Variants in PPP6R3 observed in about 807,000 individuals in gnomAD.
The protein encoded by PPP6R3 is serine/threonine-protein phosphatase 6 regulatory subunit 3.
PPP6R3 carries 38 observed loss-of-function variants against 110.7 expected under a neutral mutation model. The ratio of observed to expected loss-of-function variants is 0.34; its 90% CI spans 0.26 to 0.45. The LOEUF (loss-of-function observed/expected upper bound fraction) is 0.45, where lower values mean the gene tolerates loss of function less well. PPP6R3 is among the 20% of genes least tolerant of loss of function. The pLI is 1.00. For missense variants in PPP6R3, 870 were observed against 1,062.4 expected (o/e 0.82, Z 2.52); for synonymous variants, 369 against 373.5 (o/e 0.99, Z 0.14).
At chr11:68,521,628 T>C (rs973529539) in intron 2 of PPP6R3, among the ~76,000 whole-genome samples, 1 of 152,200 alleles carries the variant, frequency 6.6e-6, no homozygotes, top group South Asian at 2.1e-4. Flanking sequence ...TAGGGCACTT[T>C]AGACCAGGGG....
intron 1 of PPP6R3, among the ~76,000 whole-genome samples, chr11:68,504,259 A>T (rs192085203): frequency 2.0e-5 from 3 of 151,786 alleles, no homozygotes; most frequent in Admixed American, 1.3e-4. Flanking sequence ...GTTCTTTGAG[A>T]GTTACTTTTT....
chr11:68,555,047 A>G (rs796881474), intron 7 of PPP6R3, among the ~76,000 whole-genome samples: 4 of 152,304 alleles, frequency 2.6e-5, no homozygotes, highest in African/African-American at 9.6e-5. Flanking sequence ...GACATATGTA[A>G]GACAGGCAGG....
At chr11:68,597,427 C>G (rs770140810) in intron 19 of PPP6R3, among the ~76,000 whole-genome samples, 1 of 152,086 alleles carries the variant, frequency 6.6e-6, no homozygotes, top group Non-Finnish European at 1.5e-5. Flanking sequence ...TGTAGGGAGC[C>G]CTTGAGGATT....
intron 3 of PPP6R3, among the ~76,000 whole-genome samples, chr11:68,538,875 T>G (rs1479666403): frequency 6.6e-6 from 1 of 152,174 alleles, no homozygotes; most frequent in Non-Finnish European, 1.5e-5. Flanking sequence ...ATCCCAGCAC[T>G]GTGGGAAGCT....
At chr11:68,540,030 G>A (rs947602915) in intron 3 of PPP6R3, among the ~76,000 whole-genome samples, 24 of 152,226 alleles carry the variant, frequency 1.6e-4, no homozygotes, top group Admixed American at 4.6e-4. Context: ...AGAAGGGGCA[G>A]CATTGTGAAT....
chr11:68,612,626 T>C (rs202078959), intron 23 of PPP6R3, among the ~76,000 whole-genome samples: 4 of 151,966 alleles, frequency 2.6e-5, no homozygotes, highest in Non-Finnish European at 2.9e-5. Context: ...TTTCCTTTTT[T>C]CCCCCCTTTC....
intron 1 of PPP6R3, among the ~76,000 whole-genome samples, chr11:68,517,453 A>C (rs2099142578): frequency 6.6e-6 from 1 of 152,148 alleles, no homozygotes; most frequent in African/African-American, 2.4e-5. Flanking sequence ...TACATCCCCC[A>C]CTAAAAGGAA....
intron 6 of PPP6R3, among the ~76,000 whole-genome samples, chr11:68,553,315 C>T (rs2099388022): frequency 7.1e-6 from 1 of 141,172 alleles, no homozygotes; most frequent in Middle Eastern, 3.7e-3. Context: ...TTTTTTGAGA[C>T]GGAGTTTCGC....
intron 17 of PPP6R3, among the ~76,000 whole-genome samples, 178 bp downstream of exon 17, chr11:68,590,892 C>T (rs1313585156): frequency 6.6e-6 from 1 of 152,128 alleles, no homozygotes; most frequent in Non-Finnish European, 1.5e-5. Flanking sequence ...GTGATTTTTG[C>T]AGCCCTGGTT....
chr11:68,495,003 GCC>G (rs2099007093), intron 1 of PPP6R3, among the ~76,000 whole-genome samples: 1 of 152,168 alleles, frequency 6.6e-6, no homozygotes, highest in African/African-American at 2.4e-5. Flanking sequence ...TTTAAGAACT[GCC>G]TGGCACATAT....
chr11:68,537,140 C>T (rs1387230187), intron 2 of PPP6R3, among the ~76,000 whole-genome samples: 1 of 152,144 alleles, frequency 6.6e-6, no homozygotes, highest in African/African-American at 2.4e-5. Flanking sequence ...TCTAACTCCT[C>T]AAGAATTAGT....
rs1306886748 is a variant in PPP6R3 at position 68,574,097 on chromosome 11, A to G, written c.1344-12A>G. The G allele has an allele frequency of 1.9e-6, 3 of 1,586,024 alleles. No homozygotes were observed. The Admixed American group carries it at 5.0e-5, about 26-fold the overall frequency. On this transcript the variant is annotated splice_polypyrimidine_tract_variant and intron_variant, in intron 12 of 23. Coordinates refer to ENST00000393800, the MANE Select transcript of PPP6R3 (RefSeq NM_001164161.2). The stretch of plus-strand genomic sequence containing the variant: ...TCAGGAATCTGAGTATTTGTCCTTT[A>G]CCTCTTGTCAGGGCTGAGGGAGGAA...
chr11:68,480,846 G>A (rs2098903545), intron 1 of PPP6R3, among the ~76,000 whole-genome samples: 1 of 152,098 alleles, frequency 6.6e-6, no homozygotes, highest in African/African-American at 2.4e-5. Flanking sequence ...AATATGGAGT[G>A]TTCATGTGTC....
At chr11:68,510,392 C>T (rs975907498) in intron 1 of PPP6R3, among the ~76,000 whole-genome samples, 2 of 152,006 alleles carry the variant, frequency 1.3e-5, no homozygotes, top group African/African-American at 4.8e-5. Context: ...GGCTGGAGTG[C>T]TGTGGCGCGA....
intron 1 of PPP6R3, among the ~76,000 whole-genome samples, chr11:68,504,799 G>C (rs762891992): frequency 3.9e-5 from 6 of 152,152 alleles, no homozygotes; most frequent in Non-Finnish European, 7.3e-5. Flanking sequence ...GCACCTGACT[G>C]TATAGAACTT....
chr11:68,596,311 A>G (rs889338786), intron 19 of PPP6R3, 93 bp downstream of exon 19: 11 of 1,533,152 alleles, frequency 7.2e-6, no homozygotes, highest in Admixed American at 1.7e-5. Flanking sequence ...ATCTGAGATG[A>G]TATCTGAAGG....
chr11:68,473,785 C>G (rs923240831), intron 1 of PPP6R3, among the ~76,000 whole-genome samples: 1 of 152,214 alleles, frequency 6.6e-6, no homozygotes, highest in Non-Finnish European at 1.5e-5. Flanking sequence ...ATAGGAAAAA[C>G]ACTCTGCTTT....
At chr11:68,596,731 G>C (rs1269091876) in intron 19 of PPP6R3, among the ~76,000 whole-genome samples, 1 of 152,228 alleles carries the variant, frequency 6.6e-6, no homozygotes, top group Non-Finnish European at 1.5e-5. Flanking sequence ...AGGAAGACTT[G>C]AGTTAGCTGG....
intron 2 of PPP6R3, among the ~76,000 whole-genome samples, chr11:68,527,420 C>CTCTAACTGAGGTGTAGACG (rs2099205067): frequency 4.6e-5 from 7 of 152,144 alleles, no homozygotes; most frequent in Non-Finnish European, 8.8e-5. Flanking sequence ...CTCTACAGTG[C>CTCTAACTGAGGTGTAGACG]CCCACCTCAG....
Sources: allele counts gnomAD v4.1 joint callset (sites outside exome capture counted in the v4.1 genomes callset), GRCh38; gene constraint gnomAD v4.1.1; transcripts MANE v1.5; gene names NCBI Gene and HGNC (gene_info 2026-07-23, HGNC 2026-07-21).